CNTN2: variants seen among roughly 807,000 people sequenced by gnomAD.
CNTN2 encodes the protein contactin-2.
A neutral mutation model predicts 117.5 loss-of-function variants in CNTN2; 53 were observed. The observed-to-expected ratio is 0.45, with a 90% confidence interval of 0.36 to 0.57. CNTN2 has a LOEUF of 0.57. Ranked by LOEUF, CNTN2 falls within the 20% of genes least tolerant of loss-of-function variation. The pLI is 0.00. For missense variants in CNTN2, 1,106 were observed against 1,404.3 expected, an observed-to-expected ratio of 0.79 and a Z score of 3.39; for synonymous variants, 530 against 561.7, an observed-to-expected ratio of 0.94 and a Z score of 0.80.
chr1:205,062,706 T>C (rs1654058934), intron 10 of CNTN2, 137 bp downstream of exon 10: 1 of 993,736 alleles, frequency 1.0e-6, no homozygotes, highest in Non-Finnish European at 1.4e-6. Flanking sequence ...AGTTTCTAAG[T>C]AGGAGAACTC....
chr1:205,070,121 G>T, intron 18 of CNTN2, 60 bp downstream of exon 18: 1 of 1,527,962 alleles, frequency 6.5e-7, no homozygotes, highest in African/African-American at 1.4e-5. Flanking sequence ...ACAGGGATGT[G>T]GGGTGGGGGA....
At chr1:205,055,234 G>A (rs1343910038) in intron 2 of CNTN2, among the ~76,000 whole-genome samples, 1 of 152,066 alleles carries the variant, frequency 6.6e-6, no homozygotes, top group African/African-American at 2.4e-5. Context: ...GGCTGGTCTC[G>A]AACTCTCGAG....
intron 1 of CNTN2, 49 bp from the exon 2 acceptor site, chr1:205,053,051 G>A (rs1197589988): frequency 1.8e-6 from 1 of 555,320 alleles, no homozygotes; most frequent in African/African-American, 1.9e-5. Flanking sequence ...CCTGGAGCTG[G>A]GAGGGGCGCT....
rs1352923398 is a variant in CNTN2, at chr1:205,062,003, T to A, written c.1110+2T>A. The stretch of plus-strand genomic sequence containing the variant: ...AACGGGGAGCCTCTGGCCTCCCAGG[T>A]AGGAGACATGGGGCTTCCCCCGACA... On this transcript the variant is annotated splice_donor_variant, in intron 9 of 22. Coordinates refer to ENST00000331830, the MANE Select transcript of CNTN2 (RefSeq NM_005076.5). LOFTEE classifies it high-confidence loss of function. The A allele has an allele frequency of 6.2e-7, 1 of 1,613,038 alleles. No homozygotes were observed. The highest frequency in any genetic ancestry group is 8.5e-7 in the Non-Finnish European group (1 of 1,179,742).
Position 205,076,328 on chromosome 1 carries a change from G to A in CNTN2, c.*2563G>A, listed in dbSNP as rs1041690438. Reference sequence around the variant, plus strand: ...CAATAGGTGACCTGAGGACATGCAAGCTTGTAAAATGCAACAGCCTCCTGC... The same window carrying A: ...CAATAGGTGACCTGAGGACATGCAAACTTGTAAAATGCAACAGCCTCCTGC... On this transcript the variant is annotated 3_prime_UTR_variant, in exon 23 of 23. Transcript: ENST00000331830. The A allele has an allele frequency of 3.9e-5, 6 of 152,196 alleles. No individual in the cohort carries two copies. 9.4% of individuals were successfully genotyped at this position (152,196 alleles called of 1,614,324 possible).
chr1:205,061,597 C>T lies in CNTN2; in HGVS notation c.973+177C>T, dbSNP rs1574647124. On this transcript the variant is annotated intron_variant, in intron 8 of 22. Transcript: ENST00000331830. The surrounding 1 kb of genome is among the most constrained non-coding windows in gnomAD (Gnocchi z 4.8). ...CAGAGGAGGCTAGTGCTGTGGTCACCTCAGAGCTTCAGTCAGGGGTGCAGA... is the reference window on the plus strand; with the variant it reads ...CAGAGGAGGCTAGTGCTGTGGTCACTTCAGAGCTTCAGTCAGGGGTGCAGA... The T allele has an allele frequency of 3.6e-6, 3 of 833,624 alleles. No individual in the cohort carries two copies. The highest frequency in any genetic ancestry group is 3.8e-5 in the South Asian group (2 of 52,002). The allele number at this position is 833,624 out of a possible 1,614,324, so 51.6% of individuals were successfully genotyped here.
chr1:205,057,297 C>T (rs938256710), intron 2 of CNTN2: 2 of 152,404 alleles, frequency 1.3e-5, no homozygotes, highest in East Asian at 1.9e-4. Flanking sequence ...GCCCAGGCCT[C>T]GTTGGTCCAC....
Position 205,074,066 on chromosome 1 carries a change from G to A in CNTN2, c.*301G>A. On this transcript the variant is annotated 3_prime_UTR_variant, in exon 23 of 23. Transcript: ENST00000331830. ...AAGGAACAGGCCCATGGGAAGAAGG[G>A]GGTTTTAAAAACATGTCTTCAACTC... 1.8e-6 allele frequency: 1 copy of A among 569,950 alleles called. No individual in the cohort carries two copies. The highest frequency in any genetic ancestry group is 3.1e-6 in the Non-Finnish European group (1 of 321,196). The allele number at this position is 569,950 out of a possible 1,614,324, so 35.3% of individuals were successfully genotyped here. A position where few individuals can be genotyped will look rare whatever the true frequency, so the allele number is the denominator to read the frequency against.
chr1:205,058,301 G>C lies in CNTN2; in HGVS notation c.336G>C (p.Leu112=). 1 of 1,529,364 alleles carries C rather than the reference G, an allele frequency of 6.5e-7. No homozygotes were observed. The highest frequency in any genetic ancestry group is 1.3e-5 in the South Asian group (1 of 77,448). The allele number at this position is 1,529,364 out of a possible 1,614,324, so 94.7% of individuals were successfully genotyped here. ...KAQDAGVYQC[L]ASNPVGTVVS... ...AGGATGCCGGGGTCTACCAGTGCCT[G>C]GCCTCCAACCCAGTGGGCACCGTTG... The change falls in exon 4 of 23, where the codon CTG becomes CTC. Residue 112 remains leucine (L), a synonymous_variant. Transcript: ENST00000331830. This position sits in a 1 kb window ranked among gnomAD's most constrained non-coding sequence, Gnocchi z 4.3.
At position 205,066,618 on chromosome 1, in the gene CNTN2, T is replaced by C. The variant is rs2151196142; in HGVS notation, c.1975+19T>C. 1 of 1,612,964 alleles carries C rather than the reference T, an allele frequency of 6.2e-7. No individual in the cohort carries two copies. The highest frequency in any genetic ancestry group is 2.2e-5 in the East Asian group (1 of 44,882). Reference sequence around the variant, plus strand: ...CGGACCAGTAAGTGTGAGCCCCACCTGGGTCAGTGCTGATAAGGCTCGACT... The same window carrying C: ...CGGACCAGTAAGTGTGAGCCCCACCCGGGTCAGTGCTGATAAGGCTCGACT... On this transcript the variant is annotated intron_variant, in intron 15 of 22. Transcript: ENST00000331830.
chr1:205,064,939 C>G, intron 12 of CNTN2, 148 bp from the exon 13 acceptor site: 1 of 1,171,208 alleles, frequency 8.5e-7, no homozygotes, highest in Non-Finnish European at 1.2e-6. Context: ...GCCACACACT[C>G]ATGCAGTCCT....
intron 2 of CNTN2, among the ~76,000 whole-genome samples, chr1:205,053,931 A>C (rs558819932): frequency 1.3e-5 from 2 of 152,306 alleles, no homozygotes; most frequent in Non-Finnish European, 2.9e-5. Context: ...AGCTTGGAGG[A>C]GAGGCAGAGG....
chr1:205,048,910 C>CGT lies in CNTN2; in HGVS notation c.-86-4141_-86-4140dup, dbSNP rs4017875. Among the ~76,000 whole-genome samples, 3,025 of 127,812 alleles carry CGT rather than the reference C, an allele frequency of 0.024. 56 individuals carry two copies. Among genetic ancestry groups the CGT allele is most frequent in the Non-Finnish European group, 0.027 (1,630 of 59,534 alleles). The allele number at this position is 127,812 out of a possible 152,430, so 83.8% of individuals were successfully genotyped here. On this transcript the variant is annotated intron_variant, in intron 1 of 22. Transcript: ENST00000331830. The surrounding 1 kb of genome is among the most constrained non-coding windows in gnomAD (Gnocchi z 4.1). Reference sequence around the variant, plus strand: ...GCTCCAGCCTTTAGCCCAGACTCTGCGTGTGTGTGTGTGTGTGTGTGTGTG... The same window carrying CGT: ...GCTCCAGCCTTTAGCCCAGACTCTGCGTGTGTGTGTGTGTGTGTGTGTGTGTG...
chr1:205,060,011 C>A, intron 7 of CNTN2: 1 of 310,428 alleles, frequency 3.2e-6, no homozygotes, highest in Non-Finnish European at 6.1e-6. Context: ...CAGATCCCAG[C>A]TCTGCCACCC....
chr1:205,044,753 A>G (rs2096438456), intron 1 of CNTN2, among the ~76,000 whole-genome samples: 1 of 152,182 alleles, frequency 6.6e-6, no homozygotes, highest in African/African-American at 2.4e-5. Context: ...GAGTGCAGCA[A>G]AAGGTGGGCC....
intron 15 of CNTN2, 102 bp from the exon 16 acceptor site, chr1:205,066,999 A>C (rs952600166): frequency 2.8e-6 from 4 of 1,417,942 alleles, no homozygotes; most frequent in South Asian, 1.4e-5. Context: ...CAAGTACCGA[A>C]GTGAGGGCTG....
rs773579005 is a variant in CNTN2 at position 205,059,049 on chromosome 1, C to A, written c.488-35C>A. ...ACCCAGAGTGGCCCTGTTAGCCCAG[C>A]ACCCCCTGGTTTCCTCAAACTCCTC... On this transcript the variant is annotated intron_variant, in intron 5 of 22. Coordinates refer to ENST00000331830, the MANE Select transcript of CNTN2 (RefSeq NM_005076.5). The surrounding 1 kb of genome is among the most constrained non-coding windows in gnomAD (Gnocchi z 5.6). 1.2e-5 allele frequency: 19 copies of A among 1,601,318 alleles called. No homozygotes were observed. Among genetic ancestry groups the A allele is most frequent in the Non-Finnish European group, 1.6e-5 (19 of 1,168,970 alleles).
intron 14 of CNTN2, chr1:205,066,188 G>A (rs1018480995): frequency 1.3e-5 from 8 of 606,456 alleles, no homozygotes; most frequent in Non-Finnish European, 1.7e-5. Context: ...CTAGTGCTGG[G>A]AGATCTATGC....
chr1:205,073,491 G>T lies in CNTN2; in HGVS notation c.3014-165G>T. On this transcript the variant is annotated intron_variant, in intron 22 of 22. Coordinates refer to ENST00000331830, the MANE Select transcript of CNTN2 (RefSeq NM_005076.5). This position sits in a 1 kb window ranked among gnomAD's most constrained non-coding sequence, Gnocchi z 6.3. ...TGAGGACCAACCAGCAATAGCAAAC[G>T]GCCTACAAAGCACCGTAGGAGTCGG... The T allele has an allele frequency of 1.4e-6, 1 of 722,606 alleles. No individual in the cohort carries two copies. The allele number at this position is 722,606 out of a possible 1,614,324, so 44.8% of individuals were successfully genotyped here.
Sources: gnomAD v4.1 joint callset for allele counts (sites outside exome capture counted in the v4.1 genomes callset) on GRCh38, gnomAD v4.1.1 for gene constraint, Gnocchi (gnomAD v3.1) non-coding constraint, MANE v1.5 for transcripts, NCBI Gene and HGNC (gene_info 2026-07-23, HGNC 2026-07-21) for gene names.